The following COL4A3 variants were observed in gnomAD, a reference collection of about 807,000 sequenced individuals.
The protein encoded by COL4A3 is collagen type IV alpha 3 chain.
COL4A3 carries 135 observed loss-of-function variants against 217.4 expected under a neutral mutation model. The ratio of observed to expected loss-of-function variants is 0.62; its 90% confidence interval spans 0.54 to 0.72. The LOEUF (loss-of-function observed/expected upper bound fraction) is 0.72, where lower values mean the gene tolerates loss of function less well. Among genes scored for constraint, COL4A3 ranks in the 30% least tolerant of loss-of-function variants. The pLI, the probability that COL4A3 is intolerant of heterozygous loss-of-function variation, is 0.00. For synonymous variants in COL4A3, 690 were observed against 736.3 expected (o/e 0.94, Z 1.02); for missense variants, 1,868 against 2,119.9 (o/e 0.88, Z 2.33).
chr2:227,235,657 G>A (rs1440057892), intron 1 of COL4A3, among the ~76,000 whole-genome samples: 3 of 151,678 alleles, frequency 2.0e-5, no homozygotes, highest in African/African-American at 7.3e-5. Context: ...TTATAGCTTA[G>A]TTCCCACTGC....
At chr2:227,303,283 G>A (rs2073370087) in intron 44 of COL4A3, among the ~76,000 whole-genome samples, 173 bp downstream of exon 44, 1 of 152,116 alleles carries the variant, frequency 6.6e-6, no homozygotes, top group Non-Finnish European at 1.5e-5. Context: ...TTGAAATAGA[G>A]TATTTCTTCA....
In COL4A3 at chr2:227,303,895, G is replaced by A; in HGVS notation, c.3992G>A (p.Gly1331Glu). 6.2e-7 allele frequency: 1 copy of A among 1,614,176 alleles called. No individual in the cohort carries two copies. Among genetic ancestry groups the A allele is most frequent in the Non-Finnish European group, 8.5e-7 (1 of 1,180,038 alleles). The change falls in exon 45 of 52, where the codon GGA (glycine) becomes GAA (glutamate). Residue 1331 changes from glycine (G) to glutamate (E), a missense_variant. Gly to Glu is a moderately conservative substitution (Grantham distance 98). Coordinates refer to ENST00000396578, the MANE Select transcript of COL4A3 (RefSeq NM_000091.5). ...KGNPGFLGSI[G>E]PPGPIGPKGP... The stretch of plus-strand genomic sequence containing the variant: ...AATCCTGGATTTCTAGGATCCATTG[G>A]ACCTCCAGGACCAATTGGGCCAAAA...
chr2:227,294,717 G>C (rs2072946696), intron 39 of COL4A3, 147 bp downstream of exon 39: 1 of 715,108 alleles, frequency 1.4e-6, no homozygotes, highest in Admixed American at 2.6e-5. Flanking sequence ...AATGGGGTTA[G>C]ATATTTCTAT....
At chr2:227,169,314 A>C (rs955033497) in intron 1 of COL4A3, 2 of 151,246 alleles carry the variant, frequency 1.3e-5, no homozygotes, top group Admixed American at 1.3e-4. Flanking sequence ...GGTTGGTTCC[A>C]AGTCTTTGCT....
intron 1 of COL4A3, among the ~76,000 whole-genome samples, chr2:227,187,302 G>C (rs2066067906): frequency 6.6e-6 from 1 of 152,180 alleles, no homozygotes; most frequent in African/African-American, 2.4e-5. Flanking sequence ...ATGAGGGTGA[G>C]GATGGGGAGA....
At chr2:227,240,109 CTG>C in intron 2 of COL4A3, 32 bp from the exon 3 acceptor site, 1 of 1,527,856 alleles carries the variant, frequency 6.5e-7, no homozygotes, top group Non-Finnish European at 9.0e-7. Flanking sequence ...AGTTGCTGCT[CTG>C]TGTGTTTCTC....
chr2:227,172,084 T>C (rs941403813), intron 1 of COL4A3, among the ~76,000 whole-genome samples: 1 of 152,112 alleles, frequency 6.6e-6, no homozygotes, highest in Non-Finnish European at 1.5e-5. Flanking sequence ...CCCTGGAAGG[T>C]CATATACCAG....
In COL4A3 at chr2:227,220,212, T is replaced by G. The variant is rs2067718392; in HGVS notation, c.88-17756T>G. ...TTTTTTTTTTTTTTTTGAGACAGAG[T>G]CTCACTGTCACCCAGGCTGGAGTGC... On this transcript the variant is annotated intron_variant, in intron 1 of 51. Coordinates refer to ENST00000396578, the MANE Select transcript of COL4A3 (RefSeq NM_000091.5). Among the ~76,000 whole-genome samples, 2 of 40,018 alleles carry G rather than the reference T, an allele frequency of 5.0e-5. 1 individual carries two copies. 26.3% of individuals were successfully genotyped at this position (40,018 alleles called of 152,430 possible).
At chr2:227,291,572 AAAAAAAAC>A (rs2072728729) in intron 37 of COL4A3, among the ~76,000 whole-genome samples, 3 of 24,524 alleles carry the variant, frequency 1.2e-4, no homozygotes, top group Admixed American at 3.0e-4. Flanking sequence ...CAAAAAAAAA[AAAAAAAAC>A]AAAAAAAAAA....
rs2065161659 is a variant in COL4A3 at position 227,164,878 on chromosome 2, G to A, written c.87+65G>A. 1 of 1,407,050 alleles carries A rather than the reference G, an allele frequency of 7.1e-7. No individual in the cohort carries two copies. Among genetic ancestry groups the A allele is most frequent in the Admixed American group, 3.1e-5 (1 of 32,776 alleles). 87.2% of individuals were successfully genotyped at this position (1,407,050 alleles called of 1,614,324 possible). On this transcript the variant is annotated intron_variant, in intron 1 of 51. Coordinates refer to ENST00000396578, the MANE Select transcript of COL4A3 (RefSeq NM_000091.5). This position sits in a 1 kb window ranked among gnomAD's most constrained non-coding sequence, Gnocchi z 4.8. ...TCCCTCCTCCACGCGTCCGGGGGAC[G>A]CGCTGGCCCCACCCGCAGCGGCGCG...
intron 37 of COL4A3, 110 bp downstream of exon 37, chr2:227,290,996 T>C: frequency 4.0e-6 from 5 of 1,245,158 alleles, no homozygotes; most frequent in Non-Finnish European, 5.7e-6. Flanking sequence ...ACTGTTACTA[T>C]ACTTTCAGAC....
intron 24 of COL4A3, 32 bp downstream of exon 24, chr2:227,270,012 C>T (rs748918227): frequency 6.3e-7 from 1 of 1,578,060 alleles, no homozygotes; most frequent in South Asian, 1.1e-5. Context: ...TCTTTAGCTT[C>T]AATTTGACAA....
At chr2:227,304,830 G>T (rs1319521342) in intron 46 of COL4A3, among the ~76,000 whole-genome samples, 155 bp from the exon 47 acceptor site, 1 of 152,216 alleles carries the variant, frequency 6.6e-6, no homozygotes, top group Non-Finnish European at 1.5e-5. Context: ...CAAGTTAGGT[G>T]ACTAATCATC....
At chr2:227,307,628 A>C in intron 47 of COL4A3, 82 bp from the exon 48 acceptor site, 891 of 872,904 alleles carry the variant, frequency 1.0e-3, no homozygotes, top group Non-Finnish European at 1.2e-3. Context: ...AACATATATA[A>C]AATATATTTA....
intron 46 of COL4A3, chr2:227,304,447 G>A (rs912938602): frequency 5.7e-6 from 2 of 352,168 alleles, no homozygotes; most frequent in East Asian, 6.5e-5. Flanking sequence ...TGTCAGTCTC[G>A]GGGCTCTATT....
intron 2 of COL4A3, among the ~76,000 whole-genome samples, chr2:227,238,858 A>G (rs1403439248): frequency 2.0e-5 from 3 of 152,178 alleles, no homozygotes; most frequent in Non-Finnish European, 4.4e-5. Flanking sequence ...GTTCCCATTG[A>G]GAAGCACTTT....
chr2:227,208,920 T>C (rs186466049), intron 1 of COL4A3, among the ~76,000 whole-genome samples: 1 of 152,256 alleles, frequency 6.6e-6, no homozygotes, highest in African/African-American at 2.4e-5. Context: ...ATGTTAAAAT[T>C]TTCCTAAAGT....
intron 1 of COL4A3, among the ~76,000 whole-genome samples, chr2:227,186,902 T>C (rs1467287717): frequency 6.6e-6 from 1 of 152,012 alleles, no homozygotes; most frequent in Non-Finnish European, 1.5e-5. Flanking sequence ...AGGGCCTGTT[T>C]CCTGGTTCAT....
At chr2:227,238,507 G>A (rs1288030004) in intron 2 of COL4A3, among the ~76,000 whole-genome samples, 1 of 152,144 alleles carries the variant, frequency 6.6e-6, no homozygotes, top group Non-Finnish European at 1.5e-5. Flanking sequence ...GCAGAGGGAA[G>A]TAGCTCCATT....
Sources: allele counts gnomAD v4.1 joint callset (sites outside exome capture counted in the v4.1 genomes callset), GRCh38; gene constraint gnomAD v4.1.1; non-coding constraint Gnocchi (gnomAD v3.1); transcripts MANE v1.5; gene names NCBI Gene and HGNC (gene_info 2026-07-23, HGNC 2026-07-21).